Variants in CEP112 observed in about 807,000 individuals in gnomAD.
CEP112 encodes centrosomal protein 112, also known as centrosomal protein of 112 kDa.
Under a neutral mutation model 153.0 loss-of-function variants are expected in CEP112, and 127 were observed. The ratio of observed to expected loss-of-function variants is 0.83; its 90% confidence interval spans 0.72 to 0.96. The LOEUF is 0.96. Among genes scored for constraint, CEP112 ranks in the 40% least tolerant of loss-of-function variants. The probability of loss-of-function intolerance (pLI) is 0.00; values close to 1 mark genes in which losing one functional copy is unlikely to be tolerated. For synonymous variants in CEP112, 358 were observed against 374.4 expected (o/e 0.96, Z 0.51); for missense variants, 1,089 against 1,101.2 (o/e 0.99, Z 0.16).
chr17:65,887,673 A>C (rs1438659887), intron 20 of CEP112, among the ~76,000 whole-genome samples: 1 of 152,146 alleles, frequency 6.6e-6, no homozygotes, highest in African/African-American at 2.4e-5. Context: ...ATTCTCACGC[A>C]AGATCAGGCA....
chr17:65,744,232 GTTTT>G (rs903224416), intron 22 of CEP112, among the ~76,000 whole-genome samples: 7 of 138,120 alleles, frequency 5.1e-5, no homozygotes, highest in South Asian at 2.6e-4. Context: ...GTTTTTTTGT[GTTTT>G]TTGTTTGTTT....
chr17:65,748,436 C>CA (rs1369389650), intron 22 of CEP112, among the ~76,000 whole-genome samples: 1 of 152,172 alleles, frequency 6.6e-6, no homozygotes, highest in African/African-American at 2.4e-5. Flanking sequence ...GAGATTTTAT[C>CA]ACCTTGTGAA....
chr17:65,910,669 G>A (rs1206767766), intron 19 of CEP112, among the ~76,000 whole-genome samples: 1 of 152,096 alleles, frequency 6.6e-6, no homozygotes, highest in Non-Finnish European at 1.5e-5. Context: ...CATTGACATA[G>A]ATAAAGGGTT....
chr17:66,187,495 T>A (rs1323605783), intron 1 of CEP112, among the ~76,000 whole-genome samples: 2 of 152,168 alleles, frequency 1.3e-5, no homozygotes, highest in Non-Finnish European at 2.9e-5. Flanking sequence ...ATCTTCCACT[T>A]CTGACAACTC....
intron 8 of CEP112, among the ~76,000 whole-genome samples, chr17:66,086,465 G>A (rs534981124): frequency 3.9e-5 from 5 of 128,048 alleles, no homozygotes; most frequent in South Asian, 5.0e-4. Flanking sequence ...GTGCAGTGGC[G>A]TGATCTCGGC....
chr17:65,889,754 G>A (rs532711722), intron 20 of CEP112, among the ~76,000 whole-genome samples: 20 of 151,972 alleles, frequency 1.3e-4, no homozygotes, highest in Admixed American at 9.2e-4. Context: ...ACACATAAAC[G>A]TCCTACAGCA....
intron 18 of CEP112, among the ~76,000 whole-genome samples, chr17:65,953,189 G>A (rs1417839525): frequency 6.6e-6 from 1 of 152,082 alleles, no homozygotes; most frequent in Non-Finnish European, 1.5e-5. Context: ...AGAAATATGT[G>A]TTCTCAGACA....
chr17:65,748,208 A>T (rs535427300), intron 22 of CEP112, among the ~76,000 whole-genome samples: 32 of 152,362 alleles, frequency 2.1e-4, no homozygotes, highest in Non-Finnish European at 4.1e-4. Context: ...AAATATTATC[A>T]ATGTAAGGTT....
chr17:66,142,767 T>C (rs548917205), intron 4 of CEP112, among the ~76,000 whole-genome samples: 1 of 152,224 alleles, frequency 6.6e-6, no homozygotes, highest in Non-Finnish European at 1.5e-5. Context: ...GTAATACATT[T>C]TGAAATCAGG....
chr17:65,885,543 C>T (rs758189363), intron 20 of CEP112, among the ~76,000 whole-genome samples: 10 of 152,090 alleles, frequency 6.6e-5, no homozygotes, highest in Non-Finnish European at 1.3e-4. Context: ...CTGCAATGTA[C>T]TTCAACACAT....
At chr17:66,115,303 T>G (rs2069239721) in intron 6 of CEP112, among the ~76,000 whole-genome samples, 1 of 152,208 alleles carries the variant, frequency 6.6e-6, no homozygotes, top group African/African-American at 2.4e-5. Flanking sequence ...GCACAGCCAC[T>G]TTGGAAAACT....
intron 23 of CEP112, among the ~76,000 whole-genome samples, chr17:65,709,295 C>T (rs932094559): frequency 6.6e-6 from 1 of 152,184 alleles, no homozygotes; most frequent in African/African-American, 2.4e-5. Context: ...TTGTATCAGT[C>T]TGGTTTCACA....
At position 66,066,810 on chromosome 17, in the gene CEP112, GTTTCATGTTGT is replaced by G. The variant is rs1275734536; in HGVS notation, c.912_922del (p.Lys304AsnfsTer2). The stretch of plus-strand genomic sequence containing the variant: ...TTCAAGCTTTCTAATAGTCTCTTCA[GTTTCATGTTGT>G]TTACTCCTGTATAAAGTTTTCAGTT... On this transcript the variant is annotated frameshift_variant, in exon 10 of 27. Transcript: ENST00000535342. LOFTEE classifies it high-confidence loss of function. 11 of 1,550,444 alleles carry G rather than the reference GTTTCATGTTGT, an allele frequency of 7.1e-6. No individual in the cohort carries two copies. In the African/African-American group the frequency reaches 1.5e-4, roughly 22 times the overall value.
At chr17:66,175,935 T>C (rs904525094) in intron 3 of CEP112, among the ~76,000 whole-genome samples, 9 of 152,172 alleles carry the variant, frequency 5.9e-5, no homozygotes, top group African/African-American at 2.2e-4. Flanking sequence ...CTCCCAATCC[T>C]ACAGACAGAA....
chr17:66,006,649 T>C (rs1301989969), intron 16 of CEP112, among the ~76,000 whole-genome samples: 2 of 151,986 alleles, frequency 1.3e-5, no homozygotes, highest in Non-Finnish European at 2.9e-5. Context: ...CATATGCATA[T>C]GCAGATAAAC....
chr17:65,792,219 A>G (rs1423847885), intron 21 of CEP112, among the ~76,000 whole-genome samples: 1 of 152,212 alleles, frequency 6.6e-6, no homozygotes, highest in Non-Finnish European at 1.5e-5. Flanking sequence ...CTATATCTCT[A>G]TATGACAGCA....
At chr17:66,132,852 G>C in intron 4 of CEP112, 89 bp from the exon 5 acceptor site, 1 of 875,852 alleles carries the variant, frequency 1.1e-6, no homozygotes, top group South Asian at 1.4e-5. Context: ...CTTTCCCTTG[G>C]AACTGAGATG....
chr17:65,653,564 A>C lies in CEP112; in HGVS notation c.2698-12499T>G, dbSNP rs543859139. On this transcript the variant is annotated intron_variant, in intron 24 of 26. Transcript: ENST00000535342. ...GCAATTGGCCATCTGGTGTAAGAAG[A>C]GTGCAGCAAAAAGACACAGGGCTTC... is the stretch of plus-strand genomic sequence containing the variant. 3.3e-5 allele frequency among the ~76,000 whole-genome samples: 5 copies of C among 152,256 alleles called. No individual in the cohort carries two copies. The South Asian group carries it at 1.0e-3, about 32-fold the overall frequency.
At chr17:65,660,020 T>C (rs930591894) in intron 24 of CEP112, among the ~76,000 whole-genome samples, 4 of 152,040 alleles carry the variant, frequency 2.6e-5, no homozygotes, top group African/African-American at 9.7e-5. Context: ...GGGTAGAGTA[T>C]GGGTGGAGGT....
Sources: allele counts gnomAD v4.1 joint callset (sites outside exome capture counted in the v4.1 genomes callset), GRCh38; gene constraint gnomAD v4.1.1; transcripts MANE v1.5; gene names NCBI Gene and HGNC (gene_info 2026-07-23, HGNC 2026-07-21).